UGT1A3: variants seen among roughly 807,000 people sequenced by gnomAD.
UGT1A3 encodes the protein UDP-glucuronosyltransferase 1A3.
Under a neutral mutation model 41.0 loss-of-function variants are expected in UGT1A3, and 31 were observed. The ratio of observed to expected loss-of-function variants is 0.76; its 90% CI spans 0.57 to 1.02. The LOEUF (loss-of-function observed/expected upper bound fraction) is 1.02, where lower values mean the gene tolerates loss of function less well. Among genes scored for constraint, UGT1A3 ranks in the 50% least tolerant of loss-of-function variants. UGT1A3 has a pLI of 0.00. For synonymous variants in UGT1A3, 262 were observed against 257.6 expected, an observed-to-expected ratio of 1.02 and a Z score of -0.17; for missense variants, 737 against 671.0, an observed-to-expected ratio of 1.10 and a Z score of -1.09.
In UGT1A3 at chr2:233,729,849, A is replaced by G. The variant is rs745766875; in HGVS notation, c.723A>G (p.Arg241=). 35 of 1,613,614 alleles carry G rather than the reference A, an allele frequency of 2.2e-5. No individual in the cohort carries two copies. Among genetic ancestry groups the G allele is most frequent in the Non-Finnish European group, 2.5e-5 (30 of 1,179,810 alleles). ...GCCTTGCCTCTGAGCTTTTTCAGAG[A>G]GAGGTGTCAGTGGTGGATATTCTCA... The part of the protein sequence containing the change: ...YASLASELFQ[R]EVSVVDILSH... The change falls in exon 1 of 5, where the codon AGA becomes AGG. Residue 241 remains arginine (R), a synonymous_variant. Coordinates refer to ENST00000482026, the MANE Select transcript of UGT1A3 (RefSeq NM_019093.4).
intron 1 of UGT1A3, among the ~76,000 whole-genome samples, chr2:233,752,809 C>T (rs1695067711): frequency 6.6e-6 from 1 of 152,224 alleles, no homozygotes. Flanking sequence ...AGAAGGAACA[C>T]TTCCCATTTA....
chr2:233,739,475 GA>G (rs1691117772), intron 1 of UGT1A3, among the ~76,000 whole-genome samples: 1 of 152,238 alleles, frequency 6.6e-6, no homozygotes, highest in African/African-American at 2.4e-5. Flanking sequence ...GAGACCGTGG[GA>G]GCCCATTTCT....
Position 233,729,074 on chromosome 2 carries a change from T to C in UGT1A3, c.-53T>C. 1.2e-6 allele frequency: 2 copies of C among 1,611,804 alleles called. No individual in the cohort carries two copies. Among genetic ancestry groups the C allele is most frequent in the Non-Finnish European group, 1.7e-6 (2 of 1,179,632 alleles). ...AGGTAATTAAGATGAAGAAAGCAAATGTAGCAGGCACAGCGTGGGGTGGAC... is the reference window on the plus strand; with the variant it reads ...AGGTAATTAAGATGAAGAAAGCAAACGTAGCAGGCACAGCGTGGGGTGGAC... On this transcript the variant is annotated 5_prime_UTR_variant, in exon 1 of 5. An upstream start codon of the reference 5' UTR is lost. Transcript: ENST00000482026.
chr2:233,735,337 CT>C (rs939538517), intron 1 of UGT1A3, among the ~76,000 whole-genome samples: 5 of 150,880 alleles, frequency 3.3e-5, no homozygotes, highest in East Asian at 3.9e-4. Flanking sequence ...GCAACCCCTG[CT>C]TTTTTTTTGC....
chr2:233,767,826 T>C (rs1204368520), intron 2 of UGT1A3, 23 bp from the exon 3 acceptor site: 5 of 1,614,208 alleles, frequency 3.1e-6, no homozygotes, highest in South Asian at 2.2e-5. Flanking sequence ...TTCTTTACGT[T>C]CTGCTCTTTT....
rs999962124 is a variant in UGT1A3 at position 233,747,799 on chromosome 2, A to G, written c.867+17806A>G. The G allele has an allele frequency of 2.5e-6, 4 of 1,613,352 alleles. No homozygotes were observed. The African/African-American group carries it at 4.0e-5, about 16-fold the overall frequency. ...CCAAATCCTTCCTCCTATATTCCTA[A>G]GTTACTAACGACCAATTCAGACCAC... On this transcript the variant is annotated intron_variant, in intron 1 of 4. Coordinates refer to ENST00000482026, the MANE Select transcript of UGT1A3 (RefSeq NM_019093.4).
At chr2:233,754,004 G>T (rs1256062754) in intron 1 of UGT1A3, among the ~76,000 whole-genome samples, 1 of 152,190 alleles carries the variant, frequency 6.6e-6, no homozygotes, top group African/African-American at 2.4e-5. Context: ...TGGGTAATTT[G>T]TTACAGCCAT....
intron 3 of UGT1A3, 40 bp downstream of exon 3, chr2:233,767,976 C>A: frequency 6.2e-7 from 1 of 1,614,040 alleles, no homozygotes; most frequent in South Asian, 1.1e-5. Context: ...AAACCAGGGT[C>A]AAATTAAGAA....
chr2:233,760,477 G>A (rs775184773), intron 1 of UGT1A3: 6 of 1,614,242 alleles, frequency 3.7e-6, no homozygotes, highest in South Asian at 2.2e-5. Flanking sequence ...AGCACCTGAC[G>A]CCTCGTTGTA....
In UGT1A3 at chr2:233,769,245, A is replaced by G. The variant is rs1485950559; in HGVS notation, c.1307+806A>G. 6.6e-6 allele frequency among the ~76,000 whole-genome samples: 1 copy of G among 152,268 alleles called. No homozygotes were observed. The highest frequency in any genetic ancestry group is 2.4e-5 in the African/African-American group (1 of 41,474). The stretch of plus-strand genomic sequence containing the variant: ...ATAAGAGCAAAGGAAAATTTGCTCA[A>G]ATGTGGCCCTGAAAACGATTCAAAG... On this transcript the variant is annotated intron_variant, in intron 4 of 4. Transcript: ENST00000482026. The surrounding 1 kb of genome is among the most constrained non-coding windows in gnomAD (Gnocchi z 4.4).
At position 233,769,777 on chromosome 2, in the gene UGT1A3, C is replaced by G. The variant is rs1699936976; in HGVS notation, c.1307+1338C>G. 7.3e-7 allele frequency: 1 copy of G among 1,373,454 alleles called. No homozygotes were observed. The highest frequency in any genetic ancestry group is 2.6e-5 in the East Asian group (1 of 38,744). 85.1% of individuals were successfully genotyped at this position (1,373,454 alleles called of 1,614,324 possible). ...GGCTAAGGCGGGAGGATTGCTTGAG[C>G]CCAGAAGTTGGAGGCTGCTATGAGC... On this transcript the variant is annotated intron_variant, in intron 4 of 4. Coordinates refer to ENST00000482026, the MANE Select transcript of UGT1A3 (RefSeq NM_019093.4). The surrounding 1 kb of genome is among the most constrained non-coding windows in gnomAD (Gnocchi z 4.4).
At chr2:233,747,302 A>C (rs1182136395) in intron 1 of UGT1A3, 17 of 1,602,464 alleles carry the variant, frequency 1.1e-5, no homozygotes, top group Non-Finnish European at 1.5e-5. Flanking sequence ...GAGAGTGGGA[A>C]GGTGCTGGTG....
chr2:233,748,790 T>G (rs913029718), intron 1 of UGT1A3, among the ~76,000 whole-genome samples: 4 of 151,342 alleles, frequency 2.6e-5, no homozygotes, highest in African/African-American at 9.8e-5. Context: ...CTACTTGGAA[T>G]GCTGAAATTA....
chr2:233,731,416 C>G (rs1172446293), intron 1 of UGT1A3, among the ~76,000 whole-genome samples: 1 of 151,828 alleles, frequency 6.6e-6, no homozygotes, highest in Admixed American at 6.6e-5. Flanking sequence ...GGTATTTTTC[C>G]TAATGCCATC....
rs996102742 is a variant in UGT1A3 at position 233,755,058 on chromosome 2, G to A, written c.868-11976G>A. The A allele has an allele frequency of 3.7e-6, 5 of 1,333,560 alleles. No homozygotes were observed. In the African/African-American group the frequency reaches 6.0e-5, roughly 16 times the overall value. The allele number at this position is 1,333,560 out of a possible 1,614,324, so 82.6% of individuals were successfully genotyped here. On this transcript the variant is annotated intron_variant, in intron 1 of 4. Transcript: ENST00000482026. The stretch of plus-strand genomic sequence containing the variant: ...GCCTGCGCAGCCGCCCTCCGCCCTC[G>A]CCTCGCCATAGCGGTCATAGATATC...
chr2:233,738,549 T>C (rs577240283), intron 1 of UGT1A3, among the ~76,000 whole-genome samples: 15 of 152,296 alleles, frequency 9.8e-5, no homozygotes, highest in Admixed American at 3.9e-4. Flanking sequence ...GAGTCTCAGA[T>C]AGAGATGAGG....
intron 1 of UGT1A3, chr2:233,743,998 C>G (rs1199821485): frequency 8.1e-7 from 1 of 1,233,642 alleles, no homozygotes; most frequent in African/African-American, 1.6e-5. Context: ...CCCGAGTGCT[C>G]GGAGACCTGG....
At position 233,729,264 on chromosome 2, in the gene UGT1A3, G is replaced by T. The variant is rs921669787; in HGVS notation, c.138G>T (p.Glu46Asp). Reference sequence around the variant, plus strand: ...GCAGCCACTGGCTCAGCATGCGGGAGGTCTTGCGGGAGCTCCATGCCAGAG... The same window carrying T: ...GCAGCCACTGGCTCAGCATGCGGGATGTCTTGCGGGAGCTCCATGCCAGAG... ...IDGSHWLSMR[E>D]VLRELHARGH... Residue 46 changes from glutamate to aspartate, a missense_variant, in exon 1 of 5, where the codon GAG (glutamate) becomes GAT (aspartate). Transcript: ENST00000482026. 3 of 1,614,004 alleles carry T rather than the reference G, an allele frequency of 1.9e-6. No homozygotes were observed. Among genetic ancestry groups the T allele is most frequent in the Admixed American group, 1.7e-5 (1 of 60,016 alleles).
chr2:233,742,455 G>T (rs1191068486), intron 1 of UGT1A3, among the ~76,000 whole-genome samples: 6 of 151,916 alleles, frequency 3.9e-5, no homozygotes, highest in African/African-American at 1.5e-4. Context: ...GGTGTTCCTT[G>T]CCCTTATTCC....
Sources: allele counts gnomAD v4.1 joint callset (sites outside exome capture counted in the v4.1 genomes callset), GRCh38; gene constraint gnomAD v4.1.1; non-coding constraint Gnocchi (gnomAD v3.1); transcripts MANE v1.5; gene names NCBI Gene and HGNC (gene_info 2026-07-23, HGNC 2026-07-21).